P2RY14: variants seen among roughly 807,000 people sequenced by gnomAD.
P2RY14 encodes P2Y purinoceptor 14.
Under a neutral mutation model 0.9 loss-of-function variants are expected in P2RY14, and 2 were observed. The ratio of observed to expected loss-of-function variants is 2.16; its 90% CI spans 0.88 to 6.79. The LOEUF (loss-of-function observed/expected upper bound fraction) is 6.79, where lower values mean the gene tolerates loss of function less well. P2RY14 is among the 30% of genes most tolerant of loss of function. The pLI is 0.05. For synonymous variants in P2RY14, 158 were observed against 147.2 expected (o/e 1.07, Z -0.53); for missense variants, 378 against 400.1 (o/e 0.94, Z 0.47).
chr3:151,221,456 G>C (rs1729337404), intron 1 of P2RY14, among the ~76,000 whole-genome samples: 1 of 152,220 alleles, frequency 6.6e-6, no homozygotes, highest in Non-Finnish European at 1.5e-5. Flanking sequence ...TCGCAGGCCT[G>C]GAGGCCTAGA....
At chr3:151,269,440 C>CACACACAAAA (rs1315138289) in intron 1 of P2RY14, 8 of 220,754 alleles carry the variant, frequency 3.6e-5, no homozygotes, top group African/African-American at 1.0e-4. Context: ...CACACACACA[C>CACACACAAAA]AAAATTCAGA....
chr3:151,248,116 A>C (rs1318683378), intron 1 of P2RY14, among the ~76,000 whole-genome samples: 1 of 151,896 alleles, frequency 6.6e-6, no homozygotes, highest in Admixed American at 6.6e-5. Flanking sequence ...TGTCCTTGCC[A>C]TCCACAAGTT....
chr3:151,248,464 C>T (rs1014641885), intron 1 of P2RY14, among the ~76,000 whole-genome samples: 2 of 152,086 alleles, frequency 1.3e-5, no homozygotes, highest in African/African-American at 4.8e-5. Context: ...TCAGTATATT[C>T]GTTCTTTATT....
intron 1 of P2RY14, among the ~76,000 whole-genome samples, chr3:151,244,290 C>G (rs1311762312): frequency 3.1e-5 from 4 of 128,734 alleles, no homozygotes. Flanking sequence ...ACAGAACTCT[C>G]CACCCCAAAT....
At chr3:151,249,322 T>C (rs1019031777) in intron 1 of P2RY14, among the ~76,000 whole-genome samples, 18 of 152,310 alleles carry the variant, frequency 1.2e-4, no homozygotes, top group African/African-American at 3.6e-4. Flanking sequence ...TTGGGAAGTA[T>C]TTTTAAGTTG....
intron 1 of P2RY14, among the ~76,000 whole-genome samples, chr3:151,262,996 C>T (rs369323066): frequency 1.3e-5 from 2 of 152,114 alleles, no homozygotes; most frequent in African/African-American, 2.4e-5. Context: ...AACATGTACC[C>T]TCTGCTGGTC....
At chr3:151,240,725 G>T (rs527878390) in intron 1 of P2RY14, among the ~76,000 whole-genome samples, 1 of 152,194 alleles carries the variant, frequency 6.6e-6, no homozygotes, top group Non-Finnish European at 1.5e-5. Context: ...TAAATATCCA[G>T]TCAAGGGACT....
At chr3:151,275,677 T>C (rs1741733008) in intron 1 of P2RY14, among the ~76,000 whole-genome samples, 2 of 152,144 alleles carry the variant, frequency 1.3e-5, no homozygotes, top group Non-Finnish European at 2.9e-5. Flanking sequence ...TTAAGGGTGC[T>C]AGGGAGGAAA....
At chr3:151,228,977 A>G (rs1731077780) in intron 1 of P2RY14, among the ~76,000 whole-genome samples, 1 of 152,236 alleles carries the variant, frequency 6.6e-6, no homozygotes, top group Non-Finnish European at 1.5e-5. Flanking sequence ...TCTGCAGATC[A>G]TGGGGCTGTT....
At chr3:151,219,233 T>G (rs1000307801) in intron 2 of P2RY14, among the ~76,000 whole-genome samples, 4 of 152,246 alleles carry the variant, frequency 2.6e-5, no homozygotes. Flanking sequence ...CAAGTTGTCA[T>G]GTATTACAGA....
At chr3:151,247,010 C>A (rs1282232185) in intron 1 of P2RY14, among the ~76,000 whole-genome samples, 1 of 152,200 alleles carries the variant, frequency 6.6e-6, no homozygotes. Context: ...CCAAAAAACA[C>A]ATGAAAAAAT....
chr3:151,258,919 G>A (rs1033332655), intron 1 of P2RY14, among the ~76,000 whole-genome samples: 1 of 151,728 alleles, frequency 6.6e-6, no homozygotes. Context: ...GATGGGAGCT[G>A]TGGATTCAGG....
In P2RY14 at chr3:151,213,621, G is replaced by A. The variant is rs141121569; in HGVS notation, c.696C>T (p.Ser232=). ...CAAACACGATGCTGAATATGTTGCG[G>A]CTAGATTTCTTTTTGACCGAAGTGG... ...RNSTSVKKKS[S]RNIFSIVFVF... The change falls in exon 3 of 3, where the codon AGC becomes AGT. Residue 232 remains serine, a synonymous_variant. Transcript: ENST00000309170. 130 of 1,614,016 alleles carry A rather than the reference G, an allele frequency of 8.1e-5. No homozygotes were observed. Among genetic ancestry groups the A allele is most frequent in the Middle Eastern group, 3.3e-4 (2 of 6,084 alleles).
At chr3:151,253,998 TG>T (rs1381541514) in intron 1 of P2RY14, among the ~76,000 whole-genome samples, 8 of 109,912 alleles carry the variant, frequency 7.3e-5, no homozygotes, top group Non-Finnish European at 1.6e-4. Context: ...GATTTTTTCT[TG>T]TTTTTTTTTT....
At position 151,278,509 on chromosome 3, in the gene P2RY14, C is replaced by T. The variant is rs915253151; in HGVS notation, c.-355G>A. The T allele has an allele frequency of 6.6e-6, 1 of 152,116 alleles. No individual in the cohort carries two copies. The highest frequency in any genetic ancestry group is 1.5e-5 in the Non-Finnish European group (1 of 68,014). The allele number at this position is 152,116 out of a possible 1,614,324, so 9.4% of individuals were successfully genotyped here. On this transcript the variant is annotated 5_prime_UTR_variant, in exon 1 of 3. Transcript: ENST00000309170. ...GTGGAAACAAAGAGGAAGGAAGAGACGTTTTAATCTCTGTGGGTGTTAGGC... is the reference window on the plus strand; with the variant it reads ...GTGGAAACAAAGAGGAAGGAAGAGATGTTTTAATCTCTGTGGGTGTTAGGC...
chr3:151,233,712 A>G (rs749341734), intron 1 of P2RY14, among the ~76,000 whole-genome samples: 1 of 152,344 alleles, frequency 6.6e-6, no homozygotes, highest in South Asian at 2.1e-4. Flanking sequence ...CAACCTGGGC[A>G]ACAAGAGTGA....
intron 1 of P2RY14, among the ~76,000 whole-genome samples, chr3:151,261,986 C>G (rs569422901): frequency 1.4e-4 from 22 of 152,258 alleles, no homozygotes; most frequent in African/African-American, 5.3e-4. Flanking sequence ...CTCGGCCTCC[C>G]AGTGTGCTAA....
chr3:151,226,638 A>T (rs556487965), intron 1 of P2RY14, among the ~76,000 whole-genome samples: 1 of 151,936 alleles, frequency 6.6e-6, no homozygotes, highest in African/African-American at 2.4e-5. Flanking sequence ...AGGAATGTGC[A>T]TGTGTGTATG....
chr3:151,237,484 G>A (rs535477255), intron 1 of P2RY14, among the ~76,000 whole-genome samples: 1 of 150,934 alleles, frequency 6.6e-6, no homozygotes, highest in Non-Finnish European at 1.5e-5. Context: ...CAAGTAGCTG[G>A]GACTACAGGT....
Sources: allele counts gnomAD v4.1 joint callset (sites outside exome capture counted in the v4.1 genomes callset), GRCh38; gene constraint gnomAD v4.1.1; transcripts MANE v1.5; gene names NCBI Gene and HGNC (gene_info 2026-07-23, HGNC 2026-07-21).